CDH12: variants seen among roughly 807,000 people sequenced by gnomAD.
CDH12 encodes cadherin-12.
Under a neutral mutation model 74.1 loss-of-function variants are expected in CDH12, and 41 were observed. The ratio of observed to expected loss-of-function variants is 0.55; its 90% CI spans 0.43 to 0.72. The LOEUF (loss-of-function observed/expected upper bound fraction) is 0.72, where lower values mean the gene tolerates loss of function less well. Ranked by LOEUF, CDH12 falls within the 30% of genes least tolerant of loss-of-function variation. The pLI is 0.00. For synonymous variants in CDH12, 399 were observed against 355.0 expected (o/e 1.12, Z -1.39); for missense variants, 945 against 977.2 (o/e 0.97, Z 0.44).
intron 3 of CDH12, among the ~76,000 whole-genome samples, chr5:22,290,324 CA>C (rs1268254050): frequency 1.3e-5 from 2 of 151,444 alleles, no homozygotes; most frequent in African/African-American, 2.4e-5. Context: ...GACTTTCTCA[CA>C]AAAAAAATTG....
chr5:22,012,139 G>A (rs1306930916), intron 5 of CDH12, among the ~76,000 whole-genome samples: 2 of 123,316 alleles, frequency 1.6e-5, no homozygotes, highest in Admixed American at 7.4e-5. Flanking sequence ...AACAACTAGA[G>A]ATATAGAATA....
Position 22,294,713 on chromosome 5 carries a change from T to C in CDH12, c.-332-82070A>G, listed in dbSNP as rs536280690. Among the ~76,000 whole-genome samples the C allele has an allele frequency of 7.2e-5, 11 of 152,284 alleles. No homozygotes were observed. The South Asian group carries it at 8.3e-4, about 11-fold the overall frequency. On this transcript the variant is annotated intron_variant, in intron 3 of 14. Transcript: ENST00000382254. ...CCACAAGCACAAGTTACTTTTTATA[T>C]AGTGAACAAAATGGCCGTAAGGTTC...
At chr5:21,900,338 C>T (rs751201473) in intron 6 of CDH12, among the ~76,000 whole-genome samples, 8 of 152,140 alleles carry the variant, frequency 5.3e-5, no homozygotes, top group East Asian at 3.9e-4. Flanking sequence ...GTAAACAATA[C>T]GTTATTATTC....
intron 3 of CDH12, among the ~76,000 whole-genome samples, chr5:22,346,550 T>C (rs1442405712): frequency 6.6e-6 from 1 of 152,202 alleles, no homozygotes; most frequent in East Asian, 1.9e-4. Context: ...ATAGATTATA[T>C]AATAGATTCT....
intron 3 of CDH12, among the ~76,000 whole-genome samples, chr5:22,351,237 G>A (rs1161641817): frequency 6.6e-6 from 1 of 152,066 alleles, no homozygotes; most frequent in Non-Finnish European, 1.5e-5. Context: ...AATAAATAAG[G>A]GCAGGTTTTG....
intron 4 of CDH12, among the ~76,000 whole-genome samples, chr5:22,165,867 T>C (rs1271243110): frequency 6.6e-6 from 1 of 152,184 alleles, no homozygotes; most frequent in Non-Finnish European, 1.5e-5. Context: ...ACAAATGCCA[T>C]GGCAAGATCA....
intron 1 of CDH12, among the ~76,000 whole-genome samples, chr5:22,670,182 G>T (rs1181356422): frequency 6.6e-6 from 1 of 151,830 alleles, no homozygotes; most frequent in Non-Finnish European, 1.5e-5. Context: ...TTGTTTATTT[G>T]TTTGTTTGTT....
chr5:22,062,222 A>G (rs1359651698), intron 5 of CDH12, among the ~76,000 whole-genome samples: 3 of 152,176 alleles, frequency 2.0e-5, no homozygotes, highest in East Asian at 3.9e-4. Flanking sequence ...CACAGCTATT[A>G]TGAAATAACT....
chr5:21,966,160 T>G (rs942257913), intron 6 of CDH12, among the ~76,000 whole-genome samples: 2 of 85,494 alleles, frequency 2.3e-5, no homozygotes, highest in Non-Finnish European at 4.8e-5. Flanking sequence ...ATTTTTACGT[T>G]TTTTTTTTTT....
Position 22,078,468 on chromosome 5 carries a change from G to A in CDH12, c.209C>T (p.Ser70Phe). The change falls in exon 5 of 15, where the codon TCC becomes TTC. Residue 70 changes from serine (S) to phenylalanine (F), a missense_variant. Ser to Phe is a radical substitution (Grantham distance 155). Transcript: ENST00000382254. ...QFFVLEEYVG[S>F]EPQYVGKLHS... ...TACCTTTCCCACATACTGAGGCTCG[G>A]AGCCCACGTATTCTTCCAGCACAAA... 4 of 1,613,682 alleles carry A rather than the reference G, an allele frequency of 2.5e-6. No homozygotes were observed. The highest frequency in any genetic ancestry group is 3.4e-6 in the Non-Finnish European group (4 of 1,179,762).
At chr5:22,289,985 A>T (rs531123866) in intron 3 of CDH12, among the ~76,000 whole-genome samples, 1 of 152,116 alleles carries the variant, frequency 6.6e-6, no homozygotes, top group Non-Finnish European at 1.5e-5. Flanking sequence ...GACAGCACTC[A>T]GTGGCAGGCA....
intron 1 of CDH12, among the ~76,000 whole-genome samples, chr5:22,631,835 T>A (rs1738601803): frequency 6.6e-6 from 1 of 151,800 alleles, no homozygotes; most frequent in Non-Finnish European, 1.5e-5. Context: ...AATCGAGAGG[T>A]GCTAAACACA....
At chr5:22,591,034 C>G (rs1470447606) in intron 1 of CDH12, among the ~76,000 whole-genome samples, 1 of 152,014 alleles carries the variant, frequency 6.6e-6, no homozygotes, top group African/African-American at 2.4e-5. Flanking sequence ...TTAATGTTGC[C>G]CATTTAAACT....
intron 3 of CDH12, among the ~76,000 whole-genome samples, chr5:22,265,237 T>G (rs1298768498): frequency 1.3e-5 from 2 of 152,158 alleles, no homozygotes; most frequent in East Asian, 3.9e-4. Context: ...GAAAATTATT[T>G]GTGGAAAAAA....
At chr5:22,358,333 C>CA (rs1554034589) in intron 3 of CDH12, among the ~76,000 whole-genome samples, 6 of 151,966 alleles carry the variant, frequency 3.9e-5, no homozygotes, top group South Asian at 2.1e-4. Context: ...AACTTGAACC[C>CA]GGAGGCGGAG....
At chr5:21,943,765 C>T (rs1253958130) in intron 6 of CDH12, among the ~76,000 whole-genome samples, 1 of 152,066 alleles carries the variant, frequency 6.6e-6, no homozygotes, top group Non-Finnish European at 1.5e-5. Context: ...AGAGAAATTT[C>T]ATTAACAAAT....
rs556682577 is a variant in CDH12 at position 22,276,436 on chromosome 5, G to A, written c.-332-63793C>T. On this transcript the variant is annotated intron_variant, in intron 3 of 14. Transcript: ENST00000382254. ...TAGTATTATATGTTATGTAATACAT[G>A]AGTTGCCGTAAATGAATACTGATGT... Among the ~76,000 whole-genome samples the A allele has an allele frequency of 1.4e-4, 22 of 152,252 alleles. No individual in the cohort carries two copies. The South Asian group carries it at 4.6e-3, about 32-fold the overall frequency.
chr5:22,578,253 C>A (rs911921535), intron 1 of CDH12, among the ~76,000 whole-genome samples: 7 of 152,070 alleles, frequency 4.6e-5, no homozygotes, highest in Non-Finnish European at 7.4e-5. Context: ...TGTTTTCCTT[C>A]AAGACTTTTT....
intron 4 of CDH12, among the ~76,000 whole-genome samples, chr5:22,194,530 C>T (rs1226389275): frequency 6.6e-6 from 1 of 151,924 alleles, no homozygotes; most frequent in Non-Finnish European, 1.5e-5. Flanking sequence ...CAGGGTTTCA[C>T]CATGTTGGCA....
Sources: gnomAD v4.1 joint callset for allele counts (sites outside exome capture counted in the v4.1 genomes callset) on GRCh38, gnomAD v4.1.1 for gene constraint, MANE v1.5 for transcripts, NCBI Gene and HGNC (gene_info 2026-07-23, HGNC 2026-07-21) for gene names.